Variants in ATP2B4 observed in about 807,000 individuals in gnomAD.
ATP2B4 encodes the protein ATPase plasma membrane Ca2+ transporting 4.
ATP2B4 carries 39 observed loss-of-function variants against 110.3 expected under a neutral mutation model. The observed-to-expected ratio is 0.35, with a 90% confidence interval of 0.27 to 0.46. ATP2B4 has a LOEUF of 0.46. ATP2B4 is among the 20% of genes least tolerant of loss of function. The probability of loss-of-function intolerance (pLI) is 1.00; values close to 1 mark genes in which losing one functional copy is unlikely to be tolerated. For missense variants in ATP2B4, 1,135 were observed against 1,530.9 expected, an observed-to-expected ratio of 0.74 and a Z score of 4.32; for synonymous variants, 538 against 571.7, an observed-to-expected ratio of 0.94 and a Z score of 0.84.
chr1:203,681,150 A>G (rs767259446), intron 1 of ATP2B4, among the ~76,000 whole-genome samples: 1 of 152,226 alleles, frequency 6.6e-6, no homozygotes, highest in Non-Finnish European at 1.5e-5. Context: ...TTAAAAACAA[A>G]TAGAGCCCTG....
intron 2 of ATP2B4, among the ~76,000 whole-genome samples, chr1:203,691,732 G>C (rs1665381510): frequency 6.6e-6 from 1 of 152,202 alleles, no homozygotes; most frequent in Admixed American, 6.5e-5. Flanking sequence ...AACTGGAGGT[G>C]CTGAAGCAGG....
Position 203,698,193 on chromosome 1 carries a change from G to A in ATP2B4, c.230G>A (p.Arg77Lys). 4 of 1,614,094 alleles carry A rather than the reference G, an allele frequency of 2.5e-6. No individual in the cohort carries two copies. The highest frequency in any genetic ancestry group is 3.4e-6 in the Non-Finnish European group (4 of 1,180,016). ...AACCCTGCAGATCTGGAGAAACGTAGGCAGGTGTTTGGACACAACGTGATC... is the reference window on the plus strand; with the variant it reads ...AACCCTGCAGATCTGGAGAAACGTAAGCAGGTGTTTGGACACAACGTGATC... ...SGNPADLEKR[R>K]QVFGHNVIPP... The change falls in exon 3 of 21, where the codon AGG becomes AAG. Residue 77 changes from arginine to lysine, a missense_variant. By Grantham distance (26) the Arg-to-Lys change is conservative. Coordinates refer to ENST00000357681, the MANE Select transcript of ATP2B4 (RefSeq NM_001684.5).
intron 1 of ATP2B4, among the ~76,000 whole-genome samples, chr1:203,672,322 C>CTTTTTTTTTTTTTTTTTTTTTTTT (rs1558026410): frequency 1.3e-5 from 1 of 76,888 alleles, no homozygotes; most frequent in Admixed American, 2.0e-4. Flanking sequence ...GTTGCGGTGG[C>CTTTTTTTTTTTTTTTTTTTTTTTT]TCTTTTTTTT....
In ATP2B4 at chr1:203,637,919, G is replaced by A. The variant is rs142538438; in HGVS notation, c.-465+10700G>A. ...CCTCTGTCTAGTGGGATACAAGAGC[G>A]GGAACACACACTTGAAATCTCATCT... is the stretch of plus-strand genomic sequence containing the variant. On this transcript the variant is annotated intron_variant, in intron 1 of 20. Coordinates refer to ENST00000357681, the MANE Select transcript of ATP2B4 (RefSeq NM_001684.5). 6.2e-3 allele frequency among the ~76,000 whole-genome samples: 943 copies of A among 151,786 alleles called. 5 individuals carry two copies. The highest frequency in any genetic ancestry group is 9.3e-3 in the Non-Finnish European group (634 of 68,022).
At chr1:203,673,190 A>T (rs539706752) in intron 1 of ATP2B4, among the ~76,000 whole-genome samples, 12 of 152,252 alleles carry the variant, frequency 7.9e-5, no homozygotes, top group Admixed American at 1.3e-4. Context: ...CCTGTTAAGG[A>T]ACTTGTTAGG....
chr1:203,690,612 C>G (rs965048858), intron 2 of ATP2B4, among the ~76,000 whole-genome samples: 1 of 152,094 alleles, frequency 6.6e-6, no homozygotes, highest in Non-Finnish European at 1.5e-5. Flanking sequence ...ATAGTCTGTT[C>G]TGGAATATCA....
chr1:203,687,998 AT>A (rs1665251145), intron 2 of ATP2B4, among the ~76,000 whole-genome samples: 2 of 54,518 alleles, frequency 3.7e-5, no homozygotes, highest in South Asian at 6.6e-4. Context: ...GAAAGAGATT[AT>A]TATTATTATT....
intron 1 of ATP2B4, among the ~76,000 whole-genome samples, chr1:203,640,366 G>A (rs192767057): frequency 9.2e-5 from 14 of 152,306 alleles, no homozygotes; most frequent in Non-Finnish European, 1.6e-4. Context: ...CGCCCAGGCT[G>A]GAGTACAGTG....
chr1:203,679,727 C>G (rs1408357741), intron 1 of ATP2B4, among the ~76,000 whole-genome samples: 3 of 151,980 alleles, frequency 2.0e-5, no homozygotes, highest in South Asian at 4.1e-4. Flanking sequence ...TACTAAAATA[C>G]AAAAATTAGC....
At chr1:203,722,757 T>A in intron 18 of ATP2B4, 68 bp downstream of exon 18, 1 of 1,476,482 alleles carries the variant, frequency 6.8e-7, no homozygotes, top group Non-Finnish European at 9.4e-7. Flanking sequence ...GGAGCCAGGG[T>A]TCCCTACATA....
At chr1:203,642,330 T>A (rs1663658895) in intron 1 of ATP2B4, among the ~76,000 whole-genome samples, 1 of 152,196 alleles carries the variant, frequency 6.6e-6, no homozygotes, top group African/African-American at 2.4e-5. Flanking sequence ...GCAATCCACC[T>A]GCCTCTGCCT....
intron 1 of ATP2B4, among the ~76,000 whole-genome samples, chr1:203,646,630 G>T (rs896748164): frequency 2.0e-4 from 30 of 152,206 alleles, no homozygotes; most frequent in African/African-American, 6.0e-4. Context: ...AGGCGTGGTG[G>T]CACATACCTG....
At chr1:203,631,113 C>T (rs1237850325) in intron 1 of ATP2B4, among the ~76,000 whole-genome samples, 1 of 152,208 alleles carries the variant, frequency 6.6e-6, no homozygotes, top group African/African-American at 2.4e-5. Flanking sequence ...GGAGGGAAAC[C>T]AGGCAGGATC....
rs201293229 is a variant in ATP2B4, at chr1:203,644,760, CA to C, written c.-465+17543del. On this transcript the variant is annotated intron_variant, in intron 1 of 20. Transcript: ENST00000357681. ...AGGAAGTTGGTGACCGGAGTTGAAA[CA>C]ATGGCCAGTTCCCCAGGAGACTTGG... Among the ~76,000 whole-genome samples, 838 of 152,236 alleles carry C rather than the reference CA, an allele frequency of 5.5e-3. 7 individuals carry two copies. Among genetic ancestry groups the C allele is most frequent in the African/African-American group, 0.019 (802 of 41,540 alleles).
intron 11 of ATP2B4, among the ~76,000 whole-genome samples, chr1:203,709,897 CAG>C (rs1476797881): frequency 1.3e-5 from 2 of 152,198 alleles, no homozygotes; most frequent in Non-Finnish European, 2.9e-5. Context: ...AATCTGAAAA[CAG>C]AGATAGCCAT....
At position 203,629,278 on chromosome 1, in the gene ATP2B4, A is replaced by T. The variant is rs1361869341; in HGVS notation, c.-465+2059A>T. ...AATGCCCGTGTTCTGGAGGGAGGGG[A>T]TCCATTTCTATACTCCTCCTCGGGA... is the stretch of plus-strand genomic sequence containing the variant. On this transcript the variant is annotated intron_variant, in intron 1 of 20. Coordinates refer to ENST00000357681, the MANE Select transcript of ATP2B4 (RefSeq NM_001684.5). This position sits in a 1 kb window ranked among gnomAD's most constrained non-coding sequence, Gnocchi z 4.6. Among the ~76,000 whole-genome samples, 1 of 151,884 alleles carries T rather than the reference A, an allele frequency of 6.6e-6. No homozygotes were observed. The highest frequency in any genetic ancestry group is 1.5e-5 in the Non-Finnish European group (1 of 67,964).
At chr1:203,644,065 C>T (rs1006285093) in intron 1 of ATP2B4, among the ~76,000 whole-genome samples, 1 of 152,008 alleles carries the variant, frequency 6.6e-6, no homozygotes, top group African/African-American at 2.4e-5. Context: ...GCTTGGCCAA[C>T]ATGATGAAAA....
At chr1:203,650,761 C>G (rs1272043172) in intron 1 of ATP2B4, among the ~76,000 whole-genome samples, 1 of 152,254 alleles carries the variant, frequency 6.6e-6, no homozygotes, top group Non-Finnish European at 1.5e-5. Context: ...GGGCAGCTTC[C>G]AGGCCTCCTG....
At chr1:203,717,124 G>A (rs969423152) in intron 15 of ATP2B4, among the ~76,000 whole-genome samples, 5 of 151,568 alleles carry the variant, frequency 3.3e-5, no homozygotes, top group African/African-American at 9.7e-5. Flanking sequence ...CTTGAACCCG[G>A]GAGGCAGAGG....
Sources: allele counts gnomAD v4.1 joint callset (sites outside exome capture counted in the v4.1 genomes callset), GRCh38; gene constraint gnomAD v4.1.1; non-coding constraint Gnocchi (gnomAD v3.1); transcripts MANE v1.5; gene names NCBI Gene and HGNC (gene_info 2026-07-23, HGNC 2026-07-21).